The following ZNF185 variants were observed in gnomAD, a reference collection of about 807,000 sequenced individuals.
ZNF185 encodes the protein zinc finger protein 185 with LIM domain, also known as zinc finger protein 185.
In ZNF185, 56 loss-of-function variants were observed where a neutral mutation model predicts 58.6. The ratio of observed to expected loss-of-function variants is 0.95; its 90% CI spans 0.77 to 1.19. ZNF185 has a LOEUF of 1.19. Among genes scored for constraint, ZNF185 ranks in the 50% most tolerant of loss-of-function variants. The probability of loss-of-function intolerance (pLI) is 0.00; values close to 1 mark genes in which losing one functional copy is unlikely to be tolerated. For missense variants in ZNF185, 627 were observed against 573.5 expected, an observed-to-expected ratio of 1.09 and a Z score of -0.95; for synonymous variants, 230 against 215.9, an observed-to-expected ratio of 1.07 and a Z score of -0.57.
chrX:152,955,112 A>G (rs782273373), intron 16 of ZNF185, among the ~76,000 whole-genome samples: 47 of 112,072 alleles, frequency 4.2e-4, no homozygotes, highest in Non-Finnish European at 7.1e-4. Context: ...GGATTGGCCA[A>G]GAGTTAGCTA....
chrX:152,926,854 T>A (rs113128459), intron 11 of ZNF185, among the ~76,000 whole-genome samples: 1,884 of 112,645 alleles, frequency 0.017, 39 homozygotes, highest in African/African-American at 0.058. Context: ...GAGATCAAGG[T>A]GTCGGAAGGG....
At chrX:152,963,896 G>A in exon 18 of ZNF185, 1 of 1,211,729 alleles carries the variant, frequency 8.3e-7, no homozygotes, top group Non-Finnish European at 1.1e-6. Flanking sequence ...CATCTGAGCA[G>A]CCTCACATTT....
At chrX:152,960,358 A>G (rs189346309) in intron 17 of ZNF185, among the ~76,000 whole-genome samples, 198 of 112,703 alleles carry the variant, frequency 1.8e-3, no homozygotes, top group African/African-American at 6.2e-3. Flanking sequence ...GTAGCTCCAC[A>G]GTGCTGACTC....
rs188663650 is a variant in ZNF185 at position 152,967,269 on chromosome X, A to G, written c.1871+31A>G. On this transcript the variant is annotated intron_variant, in intron 20 of 22. Coordinates refer to ENST00000449285, the Ensembl canonical transcript of ZNF185. ...TTGACTTTCTTAGCACGGAGCTTGC[A>G]CTTCTACAGAGGAGAATCAGGGAAG... 9.1e-4 allele frequency: 1,073 copies of G among 1,173,253 alleles called. 8 individuals are homozygous for G. In the Admixed American group the frequency reaches 0.021, roughly 23 times the overall value.
chrX:152,970,796 CTACCCTGGGA>C (rs1556918719), intron 22 of ZNF185, among the ~76,000 whole-genome samples: 1 of 111,367 alleles, frequency 9.0e-6, no homozygotes, highest in African/African-American at 3.3e-5. Flanking sequence ...AGCCCTCTAG[CTACCCTGGGA>C]TACTCGCTCG....
intron 10 of ZNF185, 69 bp from the exon 12 acceptor site, chrX:152,922,651 C>T (rs782207013): frequency 1.9e-5 from 19 of 1,006,183 alleles, no homozygotes; most frequent in Non-Finnish European, 2.6e-5. Context: ...ATAAGTTAGC[C>T]ACATTCAGCA....
At chrX:152,918,281 C>T in intron 6 of ZNF185, 127 bp downstream of exon 7, 2 of 794,267 alleles carry the variant, frequency 2.5e-6, no homozygotes, top group Non-Finnish European at 3.7e-6. Flanking sequence ...CTGCCTGACA[C>T]TCCCTGCCAG....
chrX:152,922,874 CTGGTTCTGCCAGCT>C, intron 11 of ZNF185, 65 bp downstream of exon 12: 1 of 1,042,623 alleles, frequency 9.6e-7, no homozygotes, highest in Non-Finnish European at 1.3e-6. Context: ...GCCTGGCTGG[CTGGTTCTGCCAGCT>C]GGGGAGGGTC....
intron 8 of ZNF185, 63 bp downstream of exon 9, chrX:152,920,474 T>C: frequency 8.9e-7 from 1 of 1,118,486 alleles, no homozygotes; most frequent in Non-Finnish European, 1.2e-6. Flanking sequence ...AGCTCCAGCC[T>C]TCTCTGGCTG....
At chrX:152,951,192 G>A (rs1603292983) in intron 16 of ZNF185, among the ~76,000 whole-genome samples, 1 of 109,298 alleles carries the variant, frequency 9.1e-6, no homozygotes, top group African/African-American at 3.3e-5. Context: ...CTGACCTCAG[G>A]TGAACTGCCC....
intron 20 of ZNF185, among the ~76,000 whole-genome samples, chrX:152,967,601 A>G (rs1462950356): frequency 1.8e-5 from 2 of 111,990 alleles, no homozygotes; most frequent in Admixed American, 9.5e-5. Context: ...AAATGACTAC[A>G]AAAGAGAGGA....
chrX:152,931,359 C>T (rs1941940536), intron 12 of ZNF185, among the ~76,000 whole-genome samples: 1 of 112,460 alleles, frequency 8.9e-6, no homozygotes, highest in African/African-American at 3.2e-5. Context: ...GCTGCAGCCT[C>T]AACCTTCCAG....
At chrX:152,926,728 G>T (rs150443041) in intron 11 of ZNF185, among the ~76,000 whole-genome samples, 1 of 111,782 alleles carries the variant, frequency 8.9e-6, no homozygotes, top group Non-Finnish European at 1.9e-5. Context: ...AGCGGGTTGT[G>T]GGGGAGGAGA....
the ZNF185 span, among the ~76,000 whole-genome samples, chrX:152,908,254 G>A: frequency 3.6e-5 from 4 of 112,632 alleles, no homozygotes; most frequent in Admixed American, 9.4e-5. Context: ...AGAAGCCTGA[G>A]TTCGCAGAGG....
At chrX:152,945,488 T>G in intron 16 of ZNF185, 24 bp downstream of exon 18, 3 of 1,175,627 alleles carry the variant, frequency 2.6e-6, no homozygotes, top group Non-Finnish European at 3.4e-6. Context: ...TGCAGTGGGC[T>G]CTGCCTCTGG....
At chrX:152,921,563 T>C (rs1184654866) in intron 9 of ZNF185, among the ~76,000 whole-genome samples, 1 of 110,730 alleles carries the variant, frequency 9.0e-6, no homozygotes, top group Non-Finnish European at 1.9e-5. Flanking sequence ...TGCATTTGGT[T>C]CCTGTGGTTT....
At chrX:152,953,773 T>G (rs944946318) in intron 16 of ZNF185, among the ~76,000 whole-genome samples, 32 of 112,066 alleles carry the variant, frequency 2.9e-4, no homozygotes, top group Non-Finnish European at 3.8e-4. Flanking sequence ...GACAGAGCCT[T>G]TCTCTGTCAC....
chrX:152,937,804 C>T (rs1406777986), intron 14 of ZNF185, among the ~76,000 whole-genome samples: 1 of 112,337 alleles, frequency 8.9e-6, no homozygotes, highest in Non-Finnish European at 1.9e-5. Flanking sequence ...GATACTAGAA[C>T]CCAAAACCAG....
At chrX:152,939,332 G>A (rs2046863336) in intron 15 of ZNF185, among the ~76,000 whole-genome samples, 1 of 111,774 alleles carries the variant, frequency 8.9e-6, no homozygotes, top group Non-Finnish European at 1.9e-5. Flanking sequence ...CACCAATACT[G>A]TGCTGTGCTA....
Sources: allele counts gnomAD v4.1 joint callset (sites outside exome capture counted in the v4.1 genomes callset), GRCh38; gene constraint gnomAD v4.1.1; transcripts MANE v1.5; gene names NCBI Gene and HGNC (gene_info 2026-07-23, HGNC 2026-07-21).